Variants in CNKSR3 observed in about 807,000 individuals in gnomAD.
The protein encoded by CNKSR3 is connector enhancer of kinase suppressor of ras 3.
CNKSR3 carries 36 observed loss-of-function variants against 67.7 expected under a neutral mutation model. That is an observed-to-expected ratio of 0.53 (90% CI 0.41 to 0.70). The LOEUF (loss-of-function observed/expected upper bound fraction) is 0.70. Among genes scored for constraint, CNKSR3 ranks in the 30% least tolerant of loss-of-function variants. The pLI is 0.00. For synonymous variants in CNKSR3, 281 were observed against 271.4 expected (o/e 1.04, Z -0.35); for missense variants, 630 against 695.2 (o/e 0.91, Z 1.05).
In CNKSR3 at chr6:154,398,625, G is replaced by A. The variant is rs943276360; in HGVS notation, c.*7729C>T. 2 of 152,150 alleles carry A rather than the reference G, an allele frequency of 1.3e-5. No individual in the cohort carries two copies. The highest frequency in any genetic ancestry group is 4.8e-5 in the African/African-American group (2 of 41,424). The allele number at this position is 152,150 out of a possible 1,614,324, so 9.4% of individuals were successfully genotyped here. On this transcript the variant is annotated 3_prime_UTR_variant, in exon 13 of 13. Coordinates refer to ENST00000607772, the MANE Select transcript of CNKSR3 (RefSeq NM_173515.4). ...ACAGGAAACATAGAAACGAGTTTGA[G>A]GAATACCACTTCAAGATGGGAATGG...
chr6:154,453,284 A>G (rs1025385174), intron 1 of CNKSR3, among the ~76,000 whole-genome samples: 2 of 152,222 alleles, frequency 1.3e-5, no homozygotes, highest in African/African-American at 4.8e-5. Context: ...AAGGAGTAGG[A>G]TTTCAGAAGT....
Position 154,450,208 on chromosome 6 carries a change from T to A in CNKSR3, c.103A>T (p.Ile35Phe). The change falls in exon 2 of 13, where the codon ATC becomes TTC. Residue 35 changes from isoleucine to phenylalanine, a missense_variant. Physicochemically the swap from Ile to Phe is conservative, Grantham distance 21. This residue lies in a region of CNKSR3 where 189 missense variants were observed against 205.0 expected (regional missense o/e 0.92). Transcript: ENST00000607772. Reference protein sequence around the residue: ...QYVHKFEREKINGEQLLQISH... With the variant: ...QYVHKFEREKFNGEQLLQISH... ...ATCTGCAGCAGCTGCTCGCCGTTGATCTTCTCTCGTTCAAACTTGTGGACA... is the reference window on the plus strand; with the variant it reads ...ATCTGCAGCAGCTGCTCGCCGTTGAACTTCTCTCGTTCAAACTTGTGGACA... 1 of 1,614,142 alleles carries A rather than the reference T, an allele frequency of 6.2e-7. No individual in the cohort carries two copies. Among genetic ancestry groups the A allele is most frequent in the South Asian group, 1.1e-5 (1 of 91,070 alleles).
chr6:154,505,617 C>A (rs989123294), intron 1 of CNKSR3, among the ~76,000 whole-genome samples: 1 of 151,070 alleles, frequency 6.6e-6, no homozygotes, highest in Admixed American at 6.6e-5. Context: ...CCTGCCTCAG[C>A]CTCCCGAGTA....
chr6:154,469,165 C>T (rs1462016377), intron 1 of CNKSR3, among the ~76,000 whole-genome samples: 3 of 152,064 alleles, frequency 2.0e-5, no homozygotes, highest in African/African-American at 7.2e-5. Flanking sequence ...TAGCATAAAT[C>T]CTTAAATAAG....
intron 1 of CNKSR3, among the ~76,000 whole-genome samples, chr6:154,455,114 G>A (rs1454063071): frequency 0.031 from 443 of 14,162 alleles, 3 homozygotes; most frequent in African/African-American, 0.16. Flanking sequence ...TTCGAGACGA[G>A]GCCTGGCCAA....
At position 154,396,780 on chromosome 6, in the gene CNKSR3, C is replaced by CA. The variant is rs1257773504; in HGVS notation, c.*9573dup. On this transcript the variant is annotated 3_prime_UTR_variant, in exon 13 of 13. Coordinates refer to ENST00000607772, the MANE Select transcript of CNKSR3 (RefSeq NM_173515.4). ...GTAAGGGGTTTAAGGAAAGCATCAGCAAAAATTCACTAATTGTTTTCTTTT... is the reference window on the plus strand; with the variant it reads ...GTAAGGGGTTTAAGGAAAGCATCAGCAAAAAATTCACTAATTGTTTTCTTTT... The CA allele has an allele frequency of 6.6e-6, 1 of 150,614 alleles. No homozygotes were observed. The highest frequency in any genetic ancestry group is 1.5e-5 in the Non-Finnish European group (1 of 67,712). 9.3% of individuals were successfully genotyped at this position (150,614 alleles called of 1,614,324 possible).
At chr6:154,501,686 C>G (rs575326123) in intron 1 of CNKSR3, among the ~76,000 whole-genome samples, 6 of 152,302 alleles carry the variant, frequency 3.9e-5, no homozygotes, top group African/African-American at 1.4e-4. Context: ...GTCCCCCACC[C>G]AGTCCCTCTC....
At chr6:154,454,840 A>G (rs906641500) in intron 1 of CNKSR3, among the ~76,000 whole-genome samples, 2 of 152,040 alleles carry the variant, frequency 1.3e-5, no homozygotes, top group African/African-American at 2.4e-5. Context: ...AAAAATAATA[A>G]TAAAATTTTT....
chr6:154,473,235 C>T (rs1012900141), intron 1 of CNKSR3, among the ~76,000 whole-genome samples: 6 of 152,120 alleles, frequency 3.9e-5, no homozygotes, highest in Admixed American at 2.0e-4. Context: ...AGCACACACA[C>T]GTTGAAAGGG....
rs1353325284 is a variant in CNKSR3, at chr6:154,399,305, G to T, written c.*7049C>A. On this transcript the variant is annotated 3_prime_UTR_variant, in exon 13 of 13. Coordinates refer to ENST00000607772, the MANE Select transcript of CNKSR3 (RefSeq NM_173515.4). ...GCTCTGAATACCTTATTCACTAGAG[G>T]CTGAGATGGAGTCAGTACTGCTACT... 1.3e-5 allele frequency: 2 copies of T among 152,178 alleles called. No homozygotes were observed. The highest frequency in any genetic ancestry group is 4.8e-5 in the African/African-American group (2 of 41,434). 9.4% of individuals were successfully genotyped at this position (152,178 alleles called of 1,614,324 possible).
At chr6:154,486,236 C>G (rs1037083503) in intron 1 of CNKSR3, among the ~76,000 whole-genome samples, 1 of 152,022 alleles carries the variant, frequency 6.6e-6, no homozygotes, top group South Asian at 2.1e-4. Flanking sequence ...CTTACCATCA[C>G]CCCTCGACAG....
intron 1 of CNKSR3, among the ~76,000 whole-genome samples, chr6:154,463,308 T>C (rs1786122725): frequency 6.6e-6 from 1 of 151,952 alleles, no homozygotes; most frequent in Non-Finnish European, 1.5e-5. Context: ...CTCCTGACCT[T>C]GTGATCGGCC....
intron 1 of CNKSR3, among the ~76,000 whole-genome samples, chr6:154,485,925 C>T (rs541980490): frequency 1.3e-5 from 2 of 152,284 alleles, no homozygotes; most frequent in African/African-American, 2.4e-5. Context: ...CTTGGCGCGA[C>T]GGGACACCTT....
In CNKSR3 at chr6:154,388,994, A is replaced by G. The variant is rs1784578988; in HGVS notation, c.*17360T>C. ...GAATTCCTTACATATTTTAGATGTC[A>G]ACCCTTATCACATACATCGCTTGCA... On this transcript the variant is annotated 3_prime_UTR_variant, in exon 13 of 13. Coordinates refer to ENST00000607772, the MANE Select transcript of CNKSR3 (RefSeq NM_173515.4). The G allele has an allele frequency of 6.6e-6, 1 of 151,406 alleles. No homozygotes were observed. Among genetic ancestry groups the G allele is most frequent in the African/African-American group, 2.4e-5 (1 of 41,130 alleles). 9.4% of individuals were successfully genotyped at this position (151,406 alleles called of 1,614,324 possible).
Position 154,410,454 on chromosome 6 carries a change from G to A in CNKSR3, c.1280-22C>T, listed in dbSNP as rs753815146. 1.2e-5 allele frequency: 19 copies of A among 1,578,196 alleles called. No homozygotes were observed. The East Asian group carries it at 2.9e-4, about 24-fold the overall frequency. On this transcript the variant is annotated intron_variant, in intron 11 of 12. Transcript: ENST00000607772. ...TTGCCTTCAGAGGGACGAGAAAGAA[G>A]GTGACAAGTTTGATGAGTTCTGGAA...
intron 1 of CNKSR3, among the ~76,000 whole-genome samples, chr6:154,460,885 C>T (rs865982167): frequency 6.6e-6 from 1 of 152,126 alleles, no homozygotes; most frequent in East Asian, 1.9e-4. Context: ...ACAGCTGCAC[C>T]CATTGCTTGA....
intron 4 of CNKSR3, among the ~76,000 whole-genome samples, chr6:154,436,421 A>G (rs1196684358): frequency 1.3e-5 from 2 of 152,132 alleles, no homozygotes; most frequent in Non-Finnish European, 2.9e-5. Flanking sequence ...TTGGCCTCCC[A>G]AAGTGCTGGG....
chr6:154,407,457 C>T (rs749793052), intron 12 of CNKSR3, among the ~76,000 whole-genome samples: 4 of 152,156 alleles, frequency 2.6e-5, no homozygotes, highest in Non-Finnish European at 4.4e-5. Flanking sequence ...CCAAAATGTG[C>T]AAAGATCTAT....
At chr6:154,450,364 G>T in intron 1 of CNKSR3, 106 bp from the exon 2 acceptor site, 1 of 1,147,788 alleles carries the variant, frequency 8.7e-7, no homozygotes. Context: ...CAATTATGAT[G>T]CCACTATCTG....
Sources: gnomAD v4.1 joint callset for allele counts (sites outside exome capture counted in the v4.1 genomes callset) on GRCh38, gnomAD v4.1.1 for gene constraint, gnomAD v4.1.1 regional missense constraint, MANE v1.5 for transcripts, NCBI Gene and HGNC (gene_info 2026-07-23, HGNC 2026-07-21) for gene names.